SCFD2: variants seen among roughly 807,000 people sequenced by gnomAD.
SCFD2 encodes sec1 family domain-containing protein 2.
Under a neutral mutation model 58.9 loss-of-function variants are expected in SCFD2, and 54 were observed. That is an observed-to-expected ratio of 0.92 (90% CI 0.74 to 1.15). The LOEUF is 1.15. Among genes scored for constraint, SCFD2 ranks in the 50% most tolerant of loss-of-function variants. The probability of loss-of-function intolerance (pLI) is 0.00; values close to 1 mark genes in which losing one functional copy is unlikely to be tolerated. For missense variants in SCFD2, 805 were observed against 836.6 expected, an observed-to-expected ratio of 0.96 and a Z score of 0.47; for synonymous variants, 321 against 335.9, an observed-to-expected ratio of 0.96 and a Z score of 0.49.
In SCFD2 at chr4:52,932,968, A is replaced by T. The variant is rs577203363; in HGVS notation, c.1562-12098T>A. The stretch of plus-strand genomic sequence containing the variant: ...GATTCAGAGTTGGGACACAGTCCAG[A>T]GAGGGTTGCCAGTGGGCCGTGGTGA... On this transcript the variant is annotated intron_variant, in intron 5 of 8. Coordinates refer to ENST00000401642, the MANE Select transcript of SCFD2 (RefSeq NM_152540.4). Among the ~76,000 whole-genome samples, 3 of 152,290 alleles carry T rather than the reference A, an allele frequency of 2.0e-5. No homozygotes were observed. The East Asian group carries it at 5.8e-4, about 29-fold the overall frequency.
intron 4 of SCFD2, among the ~76,000 whole-genome samples, chr4:53,148,949 G>T (rs1200793648): frequency 6.6e-6 from 1 of 152,218 alleles, no homozygotes; most frequent in Non-Finnish European, 1.5e-5. Flanking sequence ...GTTTGGGGCT[G>T]CAGTGAGCTA....
intron 4 of SCFD2, among the ~76,000 whole-genome samples, chr4:53,223,798 C>T (rs956332572): frequency 1.3e-5 from 2 of 152,080 alleles, no homozygotes; most frequent in African/African-American, 4.8e-5. Flanking sequence ...TCTATTTATG[C>T]CAGACACAAT....
intron 2 of SCFD2, among the ~76,000 whole-genome samples, chr4:53,350,049 C>T (rs563455324): frequency 3.9e-5 from 6 of 152,100 alleles, no homozygotes; most frequent in Non-Finnish European, 8.8e-5. Flanking sequence ...GTGAGAAGTA[C>T]GTAAGTTAAT....
chr4:52,981,053 C>T lies in SCFD2; in HGVS notation c.1562-60183G>A, dbSNP rs138753836. ...AAACTGAATTTTAAAAATTCACCTTCATTTTCTGCGGTCCACTGATTTAAG... is the reference window on the plus strand; with the variant it reads ...AAACTGAATTTTAAAAATTCACCTTTATTTTCTGCGGTCCACTGATTTAAG... On this transcript the variant is annotated intron_variant, in intron 5 of 8. Coordinates refer to ENST00000401642, the MANE Select transcript of SCFD2 (RefSeq NM_152540.4). 2.6e-5 allele frequency among the ~76,000 whole-genome samples: 4 copies of T among 152,302 alleles called. No homozygotes were observed. The East Asian group carries it at 5.8e-4, about 22-fold the overall frequency.
At chr4:53,254,904 G>A (rs539081573) in intron 4 of SCFD2, among the ~76,000 whole-genome samples, 7 of 144,370 alleles carry the variant, frequency 4.8e-5, no homozygotes, top group Non-Finnish European at 7.5e-5. Flanking sequence ...ATGGAGTCTC[G>A]CTCTGTCACC....
chr4:53,030,445 C>G (rs1722588781), intron 5 of SCFD2, among the ~76,000 whole-genome samples: 1 of 150,586 alleles, frequency 6.6e-6, no homozygotes, highest in South Asian at 2.1e-4. Flanking sequence ...TTTTTTGAGA[C>G]AGAGTCTCAT....
At chr4:53,296,840 T>C (rs1467816914) in intron 3 of SCFD2, among the ~76,000 whole-genome samples, 1 of 152,226 alleles carries the variant, frequency 6.6e-6, no homozygotes, top group Non-Finnish European at 1.5e-5. Flanking sequence ...ACATTGTGTC[T>C]TTGTTCTCAC....
At chr4:52,920,333 C>T (rs929456713) in intron 6 of SCFD2, among the ~76,000 whole-genome samples, 1 of 152,192 alleles carries the variant, frequency 6.6e-6, no homozygotes, top group African/African-American at 2.4e-5. Context: ...CATTATTCTG[C>T]TCATTCAAAA....
At chr4:53,230,164 A>G (rs1175396526) in intron 4 of SCFD2, among the ~76,000 whole-genome samples, 1 of 152,190 alleles carries the variant, frequency 6.6e-6, no homozygotes. Context: ...ACACTTTTAC[A>G]CTGTTGGTGG....
At chr4:53,157,635 T>C (rs1315061438) in intron 4 of SCFD2, among the ~76,000 whole-genome samples, 5 of 152,194 alleles carry the variant, frequency 3.3e-5, no homozygotes, top group African/African-American at 1.2e-4. Flanking sequence ...TCTGGAAATA[T>C]GGTTACTCTT....
chr4:52,976,062 TACCTA>T (rs1311204436), intron 5 of SCFD2, among the ~76,000 whole-genome samples: 2 of 147,868 alleles, frequency 1.4e-5, no homozygotes, highest in African/African-American at 4.9e-5. Flanking sequence ...TTAGGAGATA[TACCTA>T]ATGTTAAATG....
chr4:52,902,612 A>ATGTCTG (rs1719232692), intron 7 of SCFD2, among the ~76,000 whole-genome samples: 1 of 152,226 alleles, frequency 6.6e-6, no homozygotes, highest in Non-Finnish European at 1.5e-5. Context: ...GCAGGGATAC[A>ATGTCTG]AATCCATAAA....
intron 4 of SCFD2, among the ~76,000 whole-genome samples, chr4:53,201,830 G>A (rs1426588811): frequency 6.6e-6 from 1 of 152,168 alleles, no homozygotes; most frequent in Admixed American, 6.6e-5. Context: ...CTTCTTCTGA[G>A]AAGTGTCTGT....
At chr4:53,221,170 C>A (rs1729037235) in intron 4 of SCFD2, among the ~76,000 whole-genome samples, 1 of 152,134 alleles carries the variant, frequency 6.6e-6, no homozygotes, top group Admixed American at 6.6e-5. Flanking sequence ...CCACCTCACC[C>A]ACACAAATGA....
intron 2 of SCFD2, among the ~76,000 whole-genome samples, chr4:53,336,515 CCTTT>C (rs1274231063): frequency 6.6e-6 from 1 of 151,534 alleles, no homozygotes; most frequent in Non-Finnish European, 1.5e-5. Flanking sequence ...TTTCTTTCTT[CCTTT>C]ATTATTTATT....
chr4:52,930,973 T>C (rs561549119), intron 5 of SCFD2, among the ~76,000 whole-genome samples: 2 of 152,270 alleles, frequency 1.3e-5, no homozygotes, highest in African/African-American at 4.8e-5. Flanking sequence ...TTGGGACCTT[T>C]TTCCAGCAAT....
chr4:52,883,149 G>A (rs1220719281), intron 8 of SCFD2, among the ~76,000 whole-genome samples: 1 of 152,208 alleles, frequency 6.6e-6, no homozygotes, highest in Non-Finnish European at 1.5e-5. Context: ...CCCACTTCGT[G>A]TGTTGCTAGG....
At chr4:53,024,458 A>T (rs989813572) in intron 5 of SCFD2, among the ~76,000 whole-genome samples, 4 of 152,220 alleles carry the variant, frequency 2.6e-5, no homozygotes, top group African/African-American at 4.8e-5. Flanking sequence ...ATTGAGGGGA[A>T]GTGACATAAA....
intron 4 of SCFD2, among the ~76,000 whole-genome samples, chr4:53,167,599 T>C (rs1444148423): frequency 2.6e-5 from 4 of 152,228 alleles, no homozygotes; most frequent in East Asian, 1.9e-4. Flanking sequence ...CTTAATGAGA[T>C]AGTCCGTATA....
Sources: gnomAD v4.1 joint callset for allele counts (sites outside exome capture counted in the v4.1 genomes callset) on GRCh38, gnomAD v4.1.1 for gene constraint, MANE v1.5 for transcripts, NCBI Gene and HGNC (gene_info 2026-07-23, HGNC 2026-07-21) for gene names.